SMPDL3A: variants seen among roughly 807,000 people sequenced by gnomAD.
SMPDL3A encodes sphingomyelin phosphodiesterase acid like 3A.
SMPDL3A carries 39 observed loss-of-function variants against 38.5 expected under a neutral mutation model. The observed-to-expected ratio is 1.01, with a 90% CI of 0.78 to 1.32. The LOEUF (loss-of-function observed/expected upper bound fraction) is 1.32, where lower values mean the gene tolerates loss of function less well. Ranked by LOEUF, SMPDL3A falls within the 40% of genes most tolerant of loss-of-function variation. SMPDL3A has a pLI of 0.00. For synonymous variants in SMPDL3A, 180 were observed against 194.3 expected, an observed-to-expected ratio of 0.93 and a Z score of 0.61; for missense variants, 502 against 536.2, an observed-to-expected ratio of 0.94 and a Z score of 0.63.
At chr6:122,800,603 T>A (rs1208532588) in intron 3 of SMPDL3A, among the ~76,000 whole-genome samples, 3 of 152,348 alleles carry the variant, frequency 2.0e-5, no homozygotes, top group African/African-American at 7.2e-5. Flanking sequence ...TGCCTGTGCC[T>A]ATGCCTATGC....
chr6:122,797,066 G>C (rs963272406), intron 3 of SMPDL3A, 98 bp downstream of exon 3: 1 of 964,106 alleles, frequency 1.0e-6, no homozygotes, highest in Non-Finnish European at 1.6e-6. Context: ...CATGGGAATG[G>C]GTCTTATAGA....
chr6:122,801,742 A>G (rs1382719130), intron 4 of SMPDL3A, among the ~76,000 whole-genome samples: 1 of 152,248 alleles, frequency 6.6e-6, no homozygotes, highest in African/African-American at 2.4e-5. Context: ...AATGGACACT[A>G]ACTTCTAACC....
intron 4 of SMPDL3A, among the ~76,000 whole-genome samples, chr6:122,801,746 T>C (rs746142031): frequency 3.9e-5 from 6 of 152,222 alleles, no homozygotes; most frequent in Admixed American, 6.5e-5. Flanking sequence ...GACACTAACT[T>C]CTAACCAAGC....
chr6:122,794,624 T>C (rs888101147), intron 1 of SMPDL3A, among the ~76,000 whole-genome samples: 2 of 152,084 alleles, frequency 1.3e-5, no homozygotes, highest in African/African-American at 4.8e-5. Flanking sequence ...AAAAAAACTT[T>C]CTTAAGATGA....
At chr6:122,804,829 C>G (rs1404212430) in intron 5 of SMPDL3A, 80 bp from the exon 6 acceptor site, 11 of 1,164,012 alleles carry the variant, frequency 9.5e-6, no homozygotes, top group Non-Finnish European at 1.4e-5. Context: ...TACTTTCAAT[C>G]TTGGGTATCC....
At chr6:122,790,831 G>A (rs1781053517) in intron 1 of SMPDL3A, among the ~76,000 whole-genome samples, 1 of 152,138 alleles carries the variant, frequency 6.6e-6, no homozygotes, top group Admixed American at 6.6e-5. Flanking sequence ...GTTTTAAAGA[G>A]GCCTGAATGA....
chr6:122,802,829 A>T (rs869478), intron 4 of SMPDL3A, among the ~76,000 whole-genome samples: 126,340 of 152,010 alleles, frequency 0.83, 53,218 homozygotes, highest in East Asian at 0.99. Flanking sequence ...GATGTCTTGC[A>T]TGAGGGGCCT....
chr6:122,809,025 T>G lies in SMPDL3A; in HGVS notation c.1045-66T>G, dbSNP rs774809460. ...GTCACAGAAATTTAAACATGAACGC[T>G]TCTTGTTGTACAATGCCTTATGTGC... is the stretch of plus-strand genomic sequence containing the variant. On this transcript the variant is annotated intron_variant, in intron 7 of 7. Transcript: ENST00000368440. The G allele has an allele frequency of 3.5e-5, 42 of 1,217,002 alleles. 1 individual carries two copies. The highest frequency in any genetic ancestry group is 4.8e-5 in the Non-Finnish European group (40 of 839,738). 75.4% of individuals were successfully genotyped at this position (1,217,002 alleles called of 1,614,324 possible).
At chr6:122,807,183 G>A (rs1781654258) in intron 7 of SMPDL3A, among the ~76,000 whole-genome samples, 1 of 151,866 alleles carries the variant, frequency 6.6e-6, no homozygotes, top group South Asian at 2.1e-4. Flanking sequence ...TTACAGATGT[G>A]AGCCACTGGG....
In SMPDL3A at chr6:122,809,679, A is replaced by G; in HGVS notation, c.*271A>G. On this transcript the variant is annotated 3_prime_UTR_variant, in exon 8 of 8. Coordinates refer to ENST00000368440, the MANE Select transcript of SMPDL3A (RefSeq NM_006714.5). The stretch of plus-strand genomic sequence containing the variant: ...TTATATCTAATTTGTACCCTTGTTG[A>G]AATTGTCATTTATACAATAAAGCGA... 1 of 255,274 alleles carries G rather than the reference A, an allele frequency of 3.9e-6. No homozygotes were observed. The highest frequency in any genetic ancestry group is 8.0e-5 in the East Asian group (1 of 12,490). 15.8% of individuals were successfully genotyped at this position (255,274 alleles called of 1,614,324 possible).
At chr6:122,797,105 C>A in intron 3 of SMPDL3A, 137 bp downstream of exon 3, 1 of 610,122 alleles carries the variant, frequency 1.6e-6, no homozygotes, top group Non-Finnish European at 2.8e-6. Context: ...TCCTAACCAT[C>A]AAGAAAGGCA....
chr6:122,794,662 G>T (rs1405264470), intron 1 of SMPDL3A, among the ~76,000 whole-genome samples: 3 of 152,072 alleles, frequency 2.0e-5, no homozygotes, highest in African/African-American at 7.2e-5. Flanking sequence ...TATCAAATGG[G>T]CTTGGCTGCT....
At chr6:122,808,597 CCCTCCCTCCCTCCCTTCCTTCCTT>C (rs1781717445) in intron 7 of SMPDL3A, among the ~76,000 whole-genome samples, 1 of 35,824 alleles carries the variant, frequency 2.8e-5, no homozygotes. Context: ...CTCCCTTCCT[CCCTCCCTCCCTCCCTTCCTTCCTT>C]CCTTCCTTCC....
chr6:122,806,518 T>G (rs1781627232), intron 7 of SMPDL3A, among the ~76,000 whole-genome samples, 161 bp downstream of exon 7: 1 of 152,236 alleles, frequency 6.6e-6, no homozygotes. Flanking sequence ...TTATCAGGAC[T>G]TACTAAGTGT....
chr6:122,794,818 G>A (rs1781189692), intron 1 of SMPDL3A, among the ~76,000 whole-genome samples: 1 of 152,096 alleles, frequency 6.6e-6, no homozygotes, highest in African/African-American at 2.4e-5. Context: ...CTTAAAGCTT[G>A]TATTAGAGAT....
intron 3 of SMPDL3A, among the ~76,000 whole-genome samples, chr6:122,800,734 T>TTTG (rs1022416523): frequency 2.8e-5 from 4 of 143,266 alleles, no homozygotes; most frequent in Non-Finnish European, 4.6e-5. Flanking sequence ...GCTACACCTT[T>TTTG]TTTGTTTGTT....
intron 4 of SMPDL3A, among the ~76,000 whole-genome samples, chr6:122,802,342 C>T (rs1781454937): frequency 1.3e-5 from 2 of 152,034 alleles, no homozygotes; most frequent in South Asian, 4.2e-4. Flanking sequence ...GCTGGGATTA[C>T]AGGCACCTGC....
chr6:122,801,499 T>C, intron 4 of SMPDL3A, 93 bp downstream of exon 4: 1 of 869,020 alleles, frequency 1.2e-6, no homozygotes, highest in Non-Finnish European at 1.9e-6. Flanking sequence ...GTGTGCCACT[T>C]CTGGAGCACA....
chr6:122,803,622 T>G, intron 4 of SMPDL3A, 42 bp from the exon 5 acceptor site: 1 of 1,475,884 alleles, frequency 6.8e-7, no homozygotes, highest in Non-Finnish European at 9.4e-7. Flanking sequence ...TTTGTGTGTA[T>G]GTGTATGTTT....
Sources: gnomAD v4.1 joint callset for allele counts (sites outside exome capture counted in the v4.1 genomes callset) on GRCh38, gnomAD v4.1.1 for gene constraint, MANE v1.5 for transcripts, NCBI Gene and HGNC (gene_info 2026-07-23, HGNC 2026-07-21) for gene names.